KLF15: variants seen among roughly 807,000 people sequenced by gnomAD.
The protein encoded by KLF15 is Krueppel-like factor 15.
A neutral mutation model predicts 24.6 loss-of-function variants in KLF15; 4 were observed. That is an observed-to-expected ratio of 0.16 (90% CI 0.08 to 0.37). The LOEUF is 0.37. Ranked by LOEUF, KLF15 falls within the 10% of genes least tolerant of loss-of-function variation. The probability of loss-of-function intolerance (pLI) is 1.00; values close to 1 mark genes in which losing one functional copy is unlikely to be tolerated. For synonymous variants in KLF15, 246 were observed against 236.3 expected, an observed-to-expected ratio of 1.04 and a Z score of -0.37; for missense variants, 496 against 560.6, an observed-to-expected ratio of 0.88 and a Z score of 1.16.
the KLF15 span, among the ~76,000 whole-genome samples, chr3:126,331,867 G>T: frequency 1.3e-5 from 2 of 152,168 alleles, no homozygotes; most frequent in Non-Finnish European, 1.5e-5. Flanking sequence ...GGATGCACCT[G>T]GAAAATCGGG....
the KLF15 span, among the ~76,000 whole-genome samples, chr3:126,329,698 A>G: frequency 6.6e-6 from 1 of 151,720 alleles, no homozygotes; most frequent in Non-Finnish European, 1.5e-5. Context: ...TGGAATTGCA[A>G]TGAATTATAG....
chr3:126,339,238 G>A (rs1378159861), downstream of KLF15, among the ~76,000 whole-genome samples: 1 of 152,156 alleles, frequency 6.6e-6, no homozygotes, highest in Non-Finnish European at 1.5e-5. Flanking sequence ...TTTGTCTTCT[G>A]CAGCAGTGCT....
rs1298602890 is a variant in KLF15, at chr3:126,351,912, G to T, written c.1011C>A (p.His337Gln). The T allele has an allele frequency of 6.2e-7, 1 of 1,614,122 alleles. No homozygotes were observed. The highest frequency in any genetic ancestry group is 1.7e-5 in the Admixed American group (1 of 60,008). Reference sequence around the variant, plus strand: ...TGTGCCGGCGCAGGTGGGCCTTGAGGTGGCTGCTTTTGGTGTACATCTTGC... The same window carrying T: ...TGTGCCGGCGCAGGTGGGCCTTGAGTTGGCTGCTTTTGGTGTACATCTTGC... ...GCSKMYTKSS[H>Q]LKAHLRRHTG... Residue 337 changes from histidine (H) to glutamine (Q), a missense_variant, in exon 2 of 3, where the codon CAC becomes CAA. His to Gln is a conservative substitution (Grantham distance 24). Around this residue, in one of 3 missense-constraint regions of KLF15, gnomAD observed 59 missense variants for 106.1 expected, o/e 0.56. Coordinates refer to ENST00000296233, the MANE Select transcript of KLF15 (RefSeq NM_014079.4).
the KLF15 span, among the ~76,000 whole-genome samples, chr3:126,315,496 G>A: frequency 2.6e-5 from 4 of 152,132 alleles, no homozygotes; most frequent in East Asian, 7.7e-4. Flanking sequence ...ATATGGAGCA[G>A]GGAAGTTCCC....
In KLF15 at chr3:126,352,208, G is replaced by A. The variant is rs1339335937; in HGVS notation, c.715C>T (p.Pro239Ser). ...KQESGTGPASPGQAPENVKVA... is the reference protein window; with the variant it reads ...KQESGTGPASSGQAPENVKVA... ...TTGACATTCTCTGGGGCTTGCCCAGGGGAGGCAGGCCCTGTGCCCGATTCC... is the reference window on the plus strand; with the variant it reads ...TTGACATTCTCTGGGGCTTGCCCAGAGGAGGCAGGCCCTGTGCCCGATTCC... Residue 239 changes from proline (P) to serine (S), a missense_variant, in exon 2 of 3, where the codon CCT becomes TCT. Coordinates refer to ENST00000296233, the MANE Select transcript of KLF15 (RefSeq NM_014079.4). 1.3e-6 allele frequency: 2 copies of A among 1,549,184 alleles called. No homozygotes were observed. The highest frequency in any genetic ancestry group is 2.0e-5 in the Admixed American group (1 of 50,680).
At chr3:126,341,967 AG>A (rs2107549070), downstream of KLF15, among the ~76,000 whole-genome samples, 1 of 152,112 alleles carries the variant, frequency 6.6e-6, no homozygotes, top group South Asian at 2.1e-4. Context: ...TGGGGCTCAT[AG>A]CCCCTCCTTG....
At chr3:126,309,865 C>T in the KLF15 span, among the ~76,000 whole-genome samples, 21 of 152,338 alleles carry the variant, frequency 1.4e-4, no homozygotes, top group Admixed American at 2.0e-4. Context: ...CAGGAGCCAA[C>T]GGAGAGAGTG....
the KLF15 span, among the ~76,000 whole-genome samples, chr3:126,294,910 C>T: frequency 2.0e-4 from 30 of 150,628 alleles, no homozygotes; most frequent in African/African-American, 5.9e-4. Context: ...CACACAGATA[C>T]GTACACATAC....
At chr3:126,291,927 G>A in the KLF15 span, among the ~76,000 whole-genome samples, 2 of 152,170 alleles carry the variant, frequency 1.3e-5, no homozygotes, top group Admixed American at 1.3e-4. Context: ...AGAAGTCCCC[G>A]AGTACCCACT....
the KLF15 span, among the ~76,000 whole-genome samples, chr3:126,292,346 C>T: frequency 6.6e-6 from 1 of 152,198 alleles, no homozygotes; most frequent in Non-Finnish European, 1.5e-5. Flanking sequence ...ACAGGGCCAA[C>T]AGTTTCTATT....
the KLF15 span, among the ~76,000 whole-genome samples, chr3:126,323,418 T>TAAAAC: frequency 2.1e-4 from 6 of 29,264 alleles, 1 homozygote; most frequent in Non-Finnish European, 4.6e-4. Flanking sequence ...TATATATATA[T>TAAAAC]ATATATATAT....
At chr3:126,334,949 A>G in the KLF15 span, among the ~76,000 whole-genome samples, 1 of 112,560 alleles carries the variant, frequency 8.9e-6, no homozygotes, top group Non-Finnish European at 1.8e-5. Flanking sequence ...CCAACCAAAA[A>G]GAGTCCAGGA....
At chr3:126,320,879 G>C in the KLF15 span, among the ~76,000 whole-genome samples, 1 of 152,004 alleles carries the variant, frequency 6.6e-6, no homozygotes, top group Non-Finnish European at 1.5e-5. Flanking sequence ...GATTTAGCAG[G>C]GGAAGGGTGG....
At chr3:126,300,368 C>T in the KLF15 span, among the ~76,000 whole-genome samples, 6 of 152,224 alleles carry the variant, frequency 3.9e-5, no homozygotes, top group African/African-American at 1.4e-4. Context: ...GCACTTCCAT[C>T]TGCCCTGTGC....
At chr3:126,305,808 A>G in the KLF15 span, among the ~76,000 whole-genome samples, 64,221 of 152,122 alleles carry the variant, frequency 0.42, 13,835 homozygotes, top group African/African-American at 0.46. Context: ...TCTGACCACA[A>G]ACCCTTTTCA....
At chr3:126,334,209 T>G in the KLF15 span, among the ~76,000 whole-genome samples, 3 of 151,664 alleles carry the variant, frequency 2.0e-5, no homozygotes, top group African/African-American at 7.3e-5. Flanking sequence ...GAACAGAAAT[T>G]ATAACAAACT....
At chr3:126,340,210 A>C (rs776637138), downstream of KLF15, among the ~76,000 whole-genome samples, 2 of 152,250 alleles carry the variant, frequency 1.3e-5, no homozygotes, top group African/African-American at 4.8e-5. Flanking sequence ...TGTGCCCCAC[A>C]TTCCAGCTGT....
At chr3:126,357,206 C>T (rs1414938533) in intron 1 of KLF15, 31 bp downstream of exon 1, 5 of 149,476 alleles carry the variant, frequency 3.3e-5, no homozygotes, top group Non-Finnish European at 7.5e-5. Flanking sequence ...CGCGTCCACG[C>T]GGCCGGCCGG....
At chr3:126,332,081 G>A in the KLF15 span, among the ~76,000 whole-genome samples, 1 of 152,242 alleles carries the variant, frequency 6.6e-6, no homozygotes, top group East Asian at 1.9e-4. Flanking sequence ...AGCTCAAGGA[G>A]GCCTGCCTGT....
Sources: allele counts gnomAD v4.1 joint callset (sites outside exome capture counted in the v4.1 genomes callset), GRCh38; gene constraint gnomAD v4.1.1; regional missense constraint gnomAD v4.1.1; transcripts MANE v1.5; gene names NCBI Gene and HGNC (gene_info 2026-07-23, HGNC 2026-07-21).